The following TNRC18 variants were observed in gnomAD, a reference collection of about 807,000 sequenced individuals.
TNRC18 encodes the protein trinucleotide repeat-containing gene 18 protein.
Under a neutral mutation model 226.7 loss-of-function variants are expected in TNRC18, and 69 were observed. The observed-to-expected ratio is 0.30, with a 90% CI of 0.25 to 0.37. The LOEUF is 0.37. Ranked by LOEUF, TNRC18 falls within the 10% of genes least tolerant of loss-of-function variation. The probability of loss-of-function intolerance (pLI) is 1.00; values close to 1 mark genes in which losing one functional copy is unlikely to be tolerated. For synonymous variants in TNRC18, 2,449 were observed against 1,927.6 expected (o/e 1.27, Z -7.09); for missense variants, 4,754 against 4,256.6 (o/e 1.12, Z -3.25).
At position 5,404,763 on chromosome 7, in the gene TNRC18, AGTGT is replaced by A. The variant is rs57464872; in HGVS notation, c.188-10172_188-10169del. On this transcript the variant is annotated intron_variant, in intron 2 of 29. Transcript: ENST00000430969. ...ACCCCAGCAGCGCATGCACACTTTC[AGTGT>A]GTGTGTGTGTGTGTGTGTGTGTGTG... 4.4e-3 allele frequency among the ~76,000 whole-genome samples: 652 copies of A among 147,230 alleles called. 5 individuals are homozygous for A. Among genetic ancestry groups the A allele is most frequent in the Middle Eastern group, 0.014 (4 of 286 alleles).
intron 18 of TNRC18, among the ~76,000 whole-genome samples, chr7:5,344,734 G>T (rs1177124097): frequency 6.6e-6 from 1 of 152,164 alleles, no homozygotes; most frequent in Non-Finnish European, 1.5e-5. Context: ...GGGGAACTCA[G>T]AGCCTGAACA....
intron 18 of TNRC18, among the ~76,000 whole-genome samples, chr7:5,334,328 G>A (rs996735195): frequency 2.0e-5 from 3 of 151,202 alleles, no homozygotes; most frequent in African/African-American, 4.9e-5. Flanking sequence ...ACGGAGTCTC[G>A]CTTTGTCGCC....
Position 5,309,381 on chromosome 7 carries a change from G to A in TNRC18, c.8389-13C>T, listed in dbSNP as rs144817509. Reference sequence around the variant, plus strand: ...TCATGCCACGCCGCTGCAAGGACACGTGTGTCACGGCACAGGCCCTGGCCC... The same window carrying A: ...TCATGCCACGCCGCTGCAAGGACACATGTGTCACGGCACAGGCCCTGGCCC... On this transcript the variant is annotated splice_polypyrimidine_tract_variant and intron_variant, in intron 27 of 29. Coordinates refer to ENST00000430969, the MANE Select transcript of TNRC18 (RefSeq NM_001080495.3). This position sits in a 1 kb window ranked among gnomAD's most constrained non-coding sequence, Gnocchi z 5.7. 2,183 of 1,596,774 alleles carry A rather than the reference G, an allele frequency of 1.4e-3. 3 individuals carry two copies. Among genetic ancestry groups the A allele is most frequent in the Middle Eastern group, 2.1e-3 (12 of 5,674 alleles).
At chr7:5,383,090 C>T (rs759486657) in intron 5 of TNRC18, among the ~76,000 whole-genome samples, 24 of 151,984 alleles carry the variant, frequency 1.6e-4, no homozygotes, top group Admixed American at 6.6e-5. Flanking sequence ...TTTGTAGAGT[C>T]GGGGTTTCAC....
intron 24 of TNRC18, among the ~76,000 whole-genome samples, chr7:5,317,118 C>A (rs1787926012): frequency 6.6e-6 from 1 of 152,180 alleles, no homozygotes; most frequent in African/African-American, 2.4e-5. Context: ...AGCCCCCTAA[C>A]AAAACCTTCC....
At chr7:5,410,198 C>G (rs894068845) in intron 2 of TNRC18, among the ~76,000 whole-genome samples, 5 of 150,156 alleles carry the variant, frequency 3.3e-5, no homozygotes, top group African/African-American at 1.2e-4. Context: ...GAAATCCCAG[C>G]TACTCGGGAG....
chr7:5,345,912 C>T, intron 17 of TNRC18, 102 bp from the exon 18 acceptor site: 2 of 1,443,316 alleles, frequency 1.4e-6, no homozygotes, highest in Non-Finnish European at 1.8e-6. Context: ...CCAGCCTAGT[C>T]CCTCAGTCCT....
chr7:5,353,004 G>A (rs555665679), intron 16 of TNRC18, among the ~76,000 whole-genome samples: 366 of 152,292 alleles, frequency 2.4e-3, no homozygotes, highest in Admixed American at 4.4e-3. Context: ...CATCCGTGGC[G>A]GGCATTCCTC....
At chr7:5,333,598 G>A (rs1789786965) in intron 18 of TNRC18, among the ~76,000 whole-genome samples, 1 of 151,924 alleles carries the variant, frequency 6.6e-6, no homozygotes, top group Admixed American at 6.6e-5. Context: ...CCAAGGCCCT[G>A]CTTCCCTCTG....
intron 17 of TNRC18, among the ~76,000 whole-genome samples, chr7:5,347,353 AT>A (rs574068264): frequency 0.068 from 9,219 of 135,538 alleles, 847 homozygotes; most frequent in African/African-American, 0.22. Context: ...CACCAGGCTA[AT>A]TTTTTTTTTT....
chr7:5,347,440 C>T (rs1791315153), intron 17 of TNRC18, among the ~76,000 whole-genome samples: 1 of 151,072 alleles, frequency 6.6e-6, no homozygotes, highest in Non-Finnish European at 1.5e-5. Context: ...TCATGATCTG[C>T]CCGCCTCAGC....
At chr7:5,384,156 C>T (rs527579832) in intron 5 of TNRC18, among the ~76,000 whole-genome samples, 35 of 152,084 alleles carry the variant, frequency 2.3e-4, no homozygotes, top group African/African-American at 5.8e-4. Flanking sequence ...TTAGTAGAGA[C>T]GGGGTTTTAC....
intron 1 of TNRC18, among the ~76,000 whole-genome samples, chr7:5,421,882 C>T (rs1205817386): frequency 6.6e-6 from 1 of 152,242 alleles, no homozygotes; most frequent in Non-Finnish European, 1.5e-5. Flanking sequence ...ACCGTGAAGC[C>T]TTGCCACAAA....
chr7:5,393,566 G>A (rs1780451800), intron 3 of TNRC18, among the ~76,000 whole-genome samples: 1 of 152,144 alleles, frequency 6.6e-6, no homozygotes, highest in African/African-American at 2.4e-5. Flanking sequence ...GGAGCTCCAG[G>A]GCTGCAACCT....
At position 5,325,108 on chromosome 7, in the gene TNRC18, C is replaced by G. The variant is rs1788760545; in HGVS notation, c.6288G>C (p.Glu2096Asp). ...KRSKAKAKGKEVKKENRGKGG... is the reference protein window; with the variant it reads ...KRSKAKAKGKDVKKENRGKGG... ...CGGTGAGCCTCACCTCCTTCTTCACCTCCTTCCCTTTGGCCTTGGCTTTGC... is the reference window on the plus strand; with the variant it reads ...CGGTGAGCCTCACCTCCTTCTTCACGTCCTTCCCTTTGGCCTTGGCTTTGC... Residue 2096 changes from glutamate (E) to aspartate (D), a missense_variant, in exon 20 of 30, where the codon GAG becomes GAC. Glu to Asp is a conservative substitution (Grantham distance 45, BLOSUM62 2). Coordinates refer to ENST00000430969, the MANE Select transcript of TNRC18 (RefSeq NM_001080495.3). 1 of 1,550,138 alleles carries G rather than the reference C, an allele frequency of 6.5e-7. No homozygotes were observed. The highest frequency in any genetic ancestry group is 8.7e-7 in the Non-Finnish European group (1 of 1,147,150).
rs753310613 is a variant in TNRC18, at chr7:5,321,135, G to C, written c.6498C>G (p.Leu2166=). ...ACAGCAGCTTGTCATCCATGGGGATGAGCACACGCAGGCCGTCCTTCAGCT... is the reference window on the plus strand; with the variant it reads ...ACAGCAGCTTGTCATCCATGGGGATCAGCACACGCAGGCCGTCCTTCAGCT... ...KDELKDGLRV[L]IPMDDKLLYA... Residue 2166 remains leucine, a synonymous_variant, in exon 22 of 30, where the codon CTC becomes CTG. Transcript: ENST00000430969. 3.2e-6 allele frequency: 5 copies of C among 1,555,430 alleles called. No individual in the cohort carries two copies. Among genetic ancestry groups the C allele is most frequent in the Non-Finnish European group, 4.3e-6 (5 of 1,150,362 alleles).
Position 5,345,517 on chromosome 7 carries a change from G to GGGGGGGGCCC in TNRC18, c.5719+44_5719+45insGGGCCCCCCC. On this transcript the variant is annotated intron_variant, in intron 18 of 29. Transcript: ENST00000430969. ...CCTGTGGGATGGGGCAATGGCGTCC[G>GGGGGGGGCCC]CCCCTCCCACCCACCCCCACCGCAG... 2.4e-5 allele frequency: 9 copies of GGGGGGGGCCC among 377,740 alleles called. 1 individual carries two copies. Among genetic ancestry groups the GGGGGGGGCCC allele is most frequent in the Non-Finnish European group, 3.4e-5 (7 of 207,162 alleles). 23.4% of individuals were successfully genotyped at this position (377,740 alleles called of 1,614,324 possible).
At chr7:5,371,449 G>C in intron 10 of TNRC18, 85 bp from the exon 11 acceptor site, 5 of 1,417,270 alleles carry the variant, frequency 3.5e-6, no homozygotes, top group Non-Finnish European at 3.7e-6. Context: ...ACCCCAGACA[G>C]AGACCCAGGA....
At position 5,388,635 on chromosome 7, in the gene TNRC18, C is replaced by T. The variant is rs1239407899; in HGVS notation, c.1189G>A (p.Ala397Thr). 2.3e-6 allele frequency: 3 copies of T among 1,277,416 alleles called. No homozygotes were observed. Among genetic ancestry groups the T allele is most frequent in the Admixed American group, 4.4e-5 (1 of 22,586 alleles). The allele number at this position is 1,277,416 out of a possible 1,614,324, so 79.1% of individuals were successfully genotyped here. Residue 397 changes from alanine to threonine, a missense_variant, in exon 5 of 30, where the codon GCC becomes ACC. Physicochemically the swap from Ala to Thr is moderately conservative, Grantham distance 58. Coordinates refer to ENST00000430969, the MANE Select transcript of TNRC18 (RefSeq NM_001080495.3). ...PIQIASQARDARAREREAGRP... is the reference protein window; with the variant it reads ...PIQIASQARDTRAREREAGRP... ...CCAGCCTCGCGCTCGCGGGCCCGGGCATCGCGCGCCTGGGATGCGATCTGG... is the reference window on the plus strand; with the variant it reads ...CCAGCCTCGCGCTCGCGGGCCCGGGTATCGCGCGCCTGGGATGCGATCTGG...
Sources: gnomAD v4.1 joint callset for allele counts (sites outside exome capture counted in the v4.1 genomes callset) on GRCh38, gnomAD v4.1.1 for gene constraint, Gnocchi (gnomAD v3.1) non-coding constraint, MANE v1.5 for transcripts, NCBI Gene and HGNC (gene_info 2026-07-23, HGNC 2026-07-21) for gene names.